NCKAP5: variants seen among roughly 807,000 people sequenced by gnomAD.
The protein encoded by NCKAP5 is nck-associated protein 5.
In NCKAP5, 92 loss-of-function variants were observed where a neutral mutation model predicts 167.0. The observed-to-expected ratio is 0.55, with a 90% confidence interval of 0.47 to 0.66. The LOEUF (loss-of-function observed/expected upper bound fraction) is 0.66, where lower values mean the gene tolerates loss of function less well. Ranked by LOEUF, NCKAP5 falls within the 30% of genes least tolerant of loss-of-function variation. The probability of loss-of-function intolerance (pLI) is 0.00; values close to 1 mark genes in which losing one functional copy is unlikely to be tolerated. For synonymous variants in NCKAP5, 891 were observed against 877.4 expected, an observed-to-expected ratio of 1.02 and a Z score of -0.27; for missense variants, 2,378 against 2,315.0, an observed-to-expected ratio of 1.03 and a Z score of -0.56.
intron 6 of NCKAP5, among the ~76,000 whole-genome samples, chr2:133,120,237 T>C (rs1208815519): frequency 6.6e-6 from 1 of 152,210 alleles, no homozygotes; most frequent in Non-Finnish European, 1.5e-5. Flanking sequence ...AGCTTCAGCA[T>C]AGCTAATTCT....
At chr2:132,696,280 C>T (rs1308867872) in intron 19 of NCKAP5, among the ~76,000 whole-genome samples, 1 of 152,198 alleles carries the variant, frequency 6.6e-6, no homozygotes, top group African/African-American at 2.4e-5. Flanking sequence ...TCCTCATGAG[C>T]TGGAGCTCAC....
intron 16 of NCKAP5, among the ~76,000 whole-genome samples, chr2:132,749,278 ACTACAAC>A (rs766770806): frequency 6.6e-6 from 1 of 151,684 alleles, no homozygotes; most frequent in Admixed American, 6.6e-5. Flanking sequence ...ATCTCCACTC[ACTACAAC>A]CTTCACCTCC....
At chr2:133,482,656 T>A (rs778500734) in intron 3 of NCKAP5, among the ~76,000 whole-genome samples, 2 of 152,248 alleles carry the variant, frequency 1.3e-5, no homozygotes, top group Non-Finnish European at 2.9e-5. Flanking sequence ...TGGGTAGATA[T>A]ACAGTTGTGA....
chr2:133,647,306 C>T, the NCKAP5 span, among the ~76,000 whole-genome samples: 1 of 148,212 alleles, frequency 6.7e-6, no homozygotes, highest in Non-Finnish European at 1.5e-5. Context: ...CACTGCACTC[C>T]AGCCTGAGCA....
rs372958696 is a variant in NCKAP5 at position 132,929,067 on chromosome 2, G to A, written c.579+34653C>T. On this transcript the variant is annotated intron_variant, in intron 8 of 19. Transcript: ENST00000409261. ...TGATGGTATCTGGAGGCAAACAGTG[G>A]AGCCCCTGTGCAGAGCACTCTCCCT... is the stretch of plus-strand genomic sequence containing the variant. 9.9e-4 allele frequency among the ~76,000 whole-genome samples: 150 copies of A among 152,232 alleles called. 1 individual carries two copies. In the Middle Eastern group the frequency reaches 0.017, roughly 17 times the overall value.
At chr2:133,146,000 C>T (rs2083181482) in intron 5 of NCKAP5, among the ~76,000 whole-genome samples, 1 of 151,986 alleles carries the variant, frequency 6.6e-6, no homozygotes, top group Admixed American at 6.6e-5. Context: ...AGTAATATGC[C>T]TTTGTCCTTT....
chr2:133,054,536 G>A (rs2079725887), intron 6 of NCKAP5, among the ~76,000 whole-genome samples: 1 of 152,190 alleles, frequency 6.6e-6, no homozygotes, highest in African/African-American at 2.4e-5. Flanking sequence ...GTTTGCCTCT[G>A]AGTGTTTTTA....
intron 3 of NCKAP5, among the ~76,000 whole-genome samples, chr2:133,325,363 C>T (rs967963913): frequency 6.6e-6 from 1 of 152,132 alleles, no homozygotes; most frequent in African/African-American, 2.4e-5. Context: ...TTTATGTATT[C>T]CCCTAAGTGC....
At chr2:132,858,274 A>G (rs546206661) in intron 11 of NCKAP5, among the ~76,000 whole-genome samples, 1 of 152,266 alleles carries the variant, frequency 6.6e-6, no homozygotes, top group East Asian at 1.9e-4. Flanking sequence ...GCTGGAACAC[A>G]TGACTGTGTA....
intron 8 of NCKAP5, among the ~76,000 whole-genome samples, chr2:132,903,374 T>G (rs1450350030): frequency 6.6e-6 from 1 of 152,222 alleles, no homozygotes; most frequent in Non-Finnish European, 1.5e-5. Context: ...TTCTATTGGA[T>G]AGTACTATTT....
intron 6 of NCKAP5, among the ~76,000 whole-genome samples, chr2:133,065,502 G>A (rs1200414915): frequency 6.6e-6 from 1 of 152,162 alleles, no homozygotes; most frequent in African/African-American, 2.4e-5. Flanking sequence ...GCGCGTGCCT[G>A]TAGTCCCAGC....
At chr2:133,317,372 A>G (rs1385804397) in intron 3 of NCKAP5, among the ~76,000 whole-genome samples, 1 of 152,120 alleles carries the variant, frequency 6.6e-6, no homozygotes, top group East Asian at 1.9e-4. Context: ...ATGGTATTCC[A>G]TGGCCACCCC....
chr2:133,184,447 T>C (rs188102779), intron 5 of NCKAP5, among the ~76,000 whole-genome samples: 11 of 152,308 alleles, frequency 7.2e-5, no homozygotes, highest in Admixed American at 6.5e-4. Context: ...TGTGTCTTTT[T>C]GGTAGAACAA....
chr2:133,636,178 T>C, the NCKAP5 span, among the ~76,000 whole-genome samples: 3 of 152,156 alleles, frequency 2.0e-5, no homozygotes, highest in African/African-American at 7.2e-5. Context: ...ACAAGAATAG[T>C]CATGAGGTCT....
chr2:133,361,473 TTAAAA>T (rs1410529817), intron 3 of NCKAP5, among the ~76,000 whole-genome samples: 1 of 152,224 alleles, frequency 6.6e-6, no homozygotes, highest in Non-Finnish European at 1.5e-5. Context: ...TTCAGTGGCA[TTAAAA>T]TAAATACTAA....
chr2:133,167,803 C>A (rs2084062302), intron 5 of NCKAP5, among the ~76,000 whole-genome samples: 1 of 152,082 alleles, frequency 6.6e-6, no homozygotes, highest in African/African-American at 2.4e-5. Flanking sequence ...ATTCCATTTT[C>A]TATAAAAGAA....
At chr2:133,000,165 G>A (rs796840932) in intron 6 of NCKAP5, among the ~76,000 whole-genome samples, 2 of 152,270 alleles carry the variant, frequency 1.3e-5, no homozygotes, top group African/African-American at 4.8e-5. Context: ...GTCAAGAGCT[G>A]CTGCTGAAAC....
intron 3 of NCKAP5, among the ~76,000 whole-genome samples, chr2:133,380,402 G>A (rs1172046962): frequency 2.0e-5 from 3 of 151,918 alleles, no homozygotes; most frequent in Non-Finnish European, 4.4e-5. Context: ...TATATATTGA[G>A]TGTTTTAGGA....
intron 4 of NCKAP5, among the ~76,000 whole-genome samples, chr2:133,239,322 A>G (rs896900469): frequency 1.3e-5 from 2 of 152,192 alleles, no homozygotes; most frequent in Non-Finnish European, 2.9e-5. Flanking sequence ...CAAAACTCCA[A>G]CTGCTAGCCC....
Sources: allele counts gnomAD v4.1 joint callset (sites outside exome capture counted in the v4.1 genomes callset), GRCh38; gene constraint gnomAD v4.1.1; transcripts MANE v1.5; gene names NCBI Gene and HGNC (gene_info 2026-07-23, HGNC 2026-07-21).